ZFPM2: variants seen among roughly 807,000 people sequenced by gnomAD.
The protein encoded by ZFPM2 is zinc finger protein, FOG family member 2.
In ZFPM2, 20 loss-of-function variants were observed where a neutral mutation model predicts 98.6. That is an observed-to-expected ratio of 0.20 (90% CI 0.14 to 0.29). ZFPM2 has a LOEUF of 0.29. ZFPM2 is among the 10% of genes least tolerant of loss of function. The pLI is 1.00. For missense variants in ZFPM2, 1,310 were observed against 1,388.6 expected, an observed-to-expected ratio of 0.94 and a Z score of 0.90; for synonymous variants, 518 against 502.7, an observed-to-expected ratio of 1.03 and a Z score of -0.41.
At chr8:105,544,367 C>G (rs1324598741) in intron 3 of ZFPM2, among the ~76,000 whole-genome samples, 6 of 152,050 alleles carry the variant, frequency 3.9e-5, no homozygotes, top group Admixed American at 2.6e-4. Flanking sequence ...CCTTACCCTC[C>G]CCTAATGATG....
At chr8:105,460,781 A>T (rs760497663) in intron 3 of ZFPM2, among the ~76,000 whole-genome samples, 1 of 97,160 alleles carries the variant, frequency 1.0e-5, no homozygotes, top group Non-Finnish European at 2.2e-5. Flanking sequence ...ACCACTTATT[A>T]TCCTGAAAAG....
intron 5 of ZFPM2, among the ~76,000 whole-genome samples, chr8:105,667,144 C>T (rs1263210374): frequency 6.6e-6 from 1 of 152,142 alleles, no homozygotes; most frequent in Non-Finnish European, 1.5e-5. Flanking sequence ...AAGCCTATCG[C>T]TTCAAGGAAA....
At chr8:105,485,283 C>T (rs62527185) in intron 3 of ZFPM2, among the ~76,000 whole-genome samples, 1,585 of 151,994 alleles carry the variant, frequency 0.01, 9 homozygotes, top group Non-Finnish European at 0.017. Flanking sequence ...TTACTGGTTA[C>T]TGCTTGTTTT....
chr8:105,408,914 C>G (rs1309519779), intron 1 of ZFPM2, among the ~76,000 whole-genome samples: 2 of 151,730 alleles, frequency 1.3e-5, no homozygotes, highest in Admixed American at 6.6e-5. Context: ...TTGTTAGCCA[C>G]GTATGTGGGT....
At chr8:105,473,928 ACT>A (rs1303358314) in intron 3 of ZFPM2, among the ~76,000 whole-genome samples, 2 of 152,124 alleles carry the variant, frequency 1.3e-5, no homozygotes, top group Admixed American at 1.3e-4. Flanking sequence ...AATATCATTG[ACT>A]CTATGGTTTA....
chr8:105,430,729 T>C (rs1812003046), intron 2 of ZFPM2, among the ~76,000 whole-genome samples: 1 of 152,030 alleles, frequency 6.6e-6, no homozygotes, highest in African/African-American at 2.4e-5. Context: ...TTTGGGACTG[T>C]CTCTGGTGTT....
intron 3 of ZFPM2, among the ~76,000 whole-genome samples, chr8:105,545,495 A>G (rs556933652): frequency 1.5e-4 from 23 of 152,186 alleles, no homozygotes; most frequent in African/African-American, 5.1e-4. Context: ...AAAGGAGGTA[A>G]TATATAAATC....
At chr8:105,774,978 C>A (rs1198381883) in intron 5 of ZFPM2, among the ~76,000 whole-genome samples, 1 of 151,284 alleles carries the variant, frequency 6.6e-6, no homozygotes, top group African/African-American at 2.4e-5. Flanking sequence ...CTACTTAGCA[C>A]TTCCATCCCT....
intron 3 of ZFPM2, among the ~76,000 whole-genome samples, chr8:105,530,815 C>G (rs1814281955): frequency 6.6e-6 from 1 of 152,116 alleles, no homozygotes; most frequent in African/African-American, 2.4e-5. Context: ...TATTAAGACA[C>G]TAGTAAATGC....
intron 1 of ZFPM2, among the ~76,000 whole-genome samples, chr8:105,355,885 A>T (rs1426863156): frequency 1.2e-4 from 19 of 152,202 alleles, no homozygotes; most frequent in Non-Finnish European, 1.3e-4. Flanking sequence ...GTGTTTGAAC[A>T]TGTAGATGTC....
chr8:105,797,256 G>A (rs34512600), intron 6 of ZFPM2: 10,831 of 152,166 alleles, frequency 0.071, 546 homozygotes, highest in Middle Eastern at 0.14. Context: ...AAAAACACAC[G>A]TGAAGAAATT....
chr8:105,710,664 TG>T (rs1271223745), intron 5 of ZFPM2, among the ~76,000 whole-genome samples: 197 of 986 alleles, frequency 0.2, 1 homozygote, highest in South Asian at 0.45. Context: ...TGCACAAAAT[TG>T]TGTGTGTGTG....
At chr8:105,795,519 A>G (rs1241908070) in intron 6 of ZFPM2, among the ~76,000 whole-genome samples, 1 of 152,080 alleles carries the variant, frequency 6.6e-6, no homozygotes, top group East Asian at 1.9e-4. Flanking sequence ...AAGAAACAAA[A>G]TACGAAATCA....
intron 3 of ZFPM2, among the ~76,000 whole-genome samples, chr8:105,499,466 C>T (rs1009904603): frequency 1.3e-5 from 2 of 152,036 alleles, no homozygotes; most frequent in African/African-American, 2.4e-5. Context: ...ACAAAACAAA[C>T]AAACAAAAGA....
chr8:105,562,688 A>G (rs926384700), intron 4 of ZFPM2, among the ~76,000 whole-genome samples: 1 of 152,044 alleles, frequency 6.6e-6, no homozygotes, highest in Non-Finnish European at 1.5e-5. Flanking sequence ...GCACGTCCAC[A>G]TTCCATCTCT....
intron 3 of ZFPM2, among the ~76,000 whole-genome samples, chr8:105,514,710 C>T (rs1361428867): frequency 6.6e-6 from 1 of 152,166 alleles, no homozygotes; most frequent in Non-Finnish European, 1.5e-5. Context: ...TGAGGGTCTC[C>T]ATTTTAGGAG....
chr8:105,580,662 A>G (rs1379577358), intron 4 of ZFPM2, among the ~76,000 whole-genome samples: 1 of 152,082 alleles, frequency 6.6e-6, no homozygotes, highest in African/African-American at 2.4e-5. Flanking sequence ...TGATTATCCA[A>G]AAGATTGCAG....
intron 3 of ZFPM2, among the ~76,000 whole-genome samples, chr8:105,545,578 C>A (rs2130639836): frequency 6.6e-6 from 1 of 152,208 alleles, no homozygotes; most frequent in South Asian, 2.1e-4. Context: ...AATAAAGATG[C>A]TTTTGCTTCC....
chr8:105,668,431 A>G (rs1359950172), intron 5 of ZFPM2, among the ~76,000 whole-genome samples: 1 of 152,138 alleles, frequency 6.6e-6, no homozygotes, highest in East Asian at 1.9e-4. Context: ...TCAGCATGCC[A>G]GTTTTGCTGA....
Sources: gnomAD v4.1 joint callset for allele counts (sites outside exome capture counted in the v4.1 genomes callset) on GRCh38, gnomAD v4.1.1 for gene constraint, MANE v1.5 for transcripts, NCBI Gene and HGNC (gene_info 2026-07-23, HGNC 2026-07-21) for gene names.